The following RAB9B variants were observed in gnomAD, a reference collection of about 807,000 sequenced individuals.
RAB9B encodes the protein ras-related protein Rab-9B.
Under a neutral mutation model 8.9 loss-of-function variants are expected in RAB9B, and 1 was observed. That is an observed-to-expected ratio of 0.11 (90% CI 0.04 to 0.53). RAB9B has a LOEUF of 0.53. Among genes scored for constraint, RAB9B ranks in the 20% least tolerant of loss-of-function variants. The pLI, the probability that RAB9B is intolerant of heterozygous loss-of-function variation, is 0.93. For missense variants in RAB9B, 82 were observed against 152.9 expected, an observed-to-expected ratio of 0.54 and a Z score of 2.45; for synonymous variants, 63 against 57.0, an observed-to-expected ratio of 1.10 and a Z score of -0.47.
downstream of RAB9B, chrX:103,822,224 C>A (rs1569434577): frequency 8.9e-6 from 1 of 112,139 alleles, no homozygotes; most frequent in Non-Finnish European, 1.9e-5. Context: ...CCAGAGGCCA[C>A]ATCCAGTGCA....
At chrX:103,830,612 T>A (rs2074699895) in intron 1 of RAB9B, among the ~76,000 whole-genome samples, 1 of 111,458 alleles carries the variant, frequency 9.0e-6, no homozygotes, top group African/African-American at 3.3e-5. Flanking sequence ...TACTAACTTT[T>A]TTTTTTCCCA....
intron 2 of RAB9B, among the ~76,000 whole-genome samples, chrX:103,826,187 T>G (rs750236729): frequency 1.8e-5 from 2 of 111,836 alleles, no homozygotes; most frequent in Non-Finnish European, 3.8e-5. Flanking sequence ...TTCCAAACAA[T>G]AGACAAATAG....
At chrX:103,798,830 C>T in the RAB9B span, among the ~76,000 whole-genome samples, 47 of 108,082 alleles carry the variant, frequency 4.3e-4, no homozygotes, top group African/African-American at 1.4e-3. Context: ...TTAGTAGAGA[C>T]GGGGTTTCAC....
chrX:103,813,387 A>G, the RAB9B span, among the ~76,000 whole-genome samples: 3 of 110,671 alleles, frequency 2.7e-5, no homozygotes, highest in Non-Finnish European at 5.7e-5. Context: ...TGTTTGTTTT[A>G]AAGAGACCTT....
chrX:103,828,011 T>C (rs1337565247), intron 1 of RAB9B, among the ~76,000 whole-genome samples: 1 of 112,148 alleles, frequency 8.9e-6, no homozygotes, highest in African/African-American at 3.2e-5. Flanking sequence ...GCTGGTGTTA[T>C]TAAATTTAAA....
the RAB9B span, among the ~76,000 whole-genome samples, chrX:103,804,317 G>GTTTA: frequency 9.8e-5 from 11 of 111,996 alleles, no homozygotes; most frequent in African/African-American, 3.2e-4. Flanking sequence ...AAATGTAAGG[G>GTTTA]TTTATTTCTT....
At chrX:103,786,358 C>T in the RAB9B span, 1 of 1,055,386 alleles carries the variant, frequency 9.5e-7, no homozygotes, top group Non-Finnish European at 1.3e-6. Flanking sequence ...AAATCCCTAG[C>T]CTTGTTAAGG....
At chrX:103,782,000 T>C in the RAB9B span, among the ~76,000 whole-genome samples, 4 of 112,215 alleles carry the variant, frequency 3.6e-5, no homozygotes, top group African/African-American at 1.3e-4. Flanking sequence ...TCTTGGACTG[T>C]GAAAAATCAA....
the RAB9B span, chrX:103,787,994 C>G: frequency 0.027 from 30,183 of 1,126,353 alleles, 332 homozygotes; most frequent in Non-Finnish European, 0.031. Flanking sequence ...TGCTTTGGCT[C>G]TCCTACCCAC....
chrX:103,787,750 TCTGCAGG>T, the RAB9B span: 21 of 1,089,477 alleles, frequency 1.9e-5, no homozygotes, highest in Non-Finnish European at 2.4e-5. Context: ...TGTTTCTACA[TCTGCAGG>T]CTGATGCTGA....
At chrX:103,795,697 CA>C in the RAB9B span, among the ~76,000 whole-genome samples, 2 of 110,319 alleles carry the variant, frequency 1.8e-5, no homozygotes, top group African/African-American at 3.3e-5. Context: ...CCACATTATC[CA>C]AAAAAAAGTG....
the RAB9B span, chrX:103,790,856 A>G: frequency 5.1e-6 from 2 of 390,654 alleles, no homozygotes; most frequent in Non-Finnish European, 9.0e-6. Flanking sequence ...TGACTTCCCA[A>G]CTGCAAGTCA....
chrX:103,806,794 T>C, the RAB9B span, among the ~76,000 whole-genome samples: 2 of 111,377 alleles, frequency 1.8e-5, no homozygotes, highest in Non-Finnish European at 3.8e-5. Flanking sequence ...GGTGCATATA[T>C]GGGATAGATT....
At chrX:103,808,659 G>A in the RAB9B span, among the ~76,000 whole-genome samples, 1 of 112,861 alleles carries the variant, frequency 8.9e-6, no homozygotes, top group Non-Finnish European at 1.9e-5. Context: ...TCATGATTCT[G>A]TACACAGCAG....
chrX:103,800,333 G>A, the RAB9B span, among the ~76,000 whole-genome samples: 4 of 109,543 alleles, frequency 3.7e-5, no homozygotes, highest in Non-Finnish European at 7.6e-5. Flanking sequence ...TGGGGGTGGG[G>A]GGCAGAACAC....
the RAB9B span, among the ~76,000 whole-genome samples, chrX:103,803,437 T>C: frequency 8.9e-6 from 1 of 112,611 alleles, no homozygotes; most frequent in Admixed American, 9.4e-5. Flanking sequence ...TGTTTTGCAT[T>C]TCCCTGATGA....
the RAB9B span, among the ~76,000 whole-genome samples, chrX:103,803,750 G>A: frequency 8.9e-6 from 1 of 111,820 alleles, no homozygotes; most frequent in Non-Finnish European, 1.9e-5. Flanking sequence ...GCTAATTTTT[G>A]TATTTTTAGT....
At chrX:103,796,227 C>A in the RAB9B span, among the ~76,000 whole-genome samples, 1 of 112,323 alleles carries the variant, frequency 8.9e-6, no homozygotes, top group Non-Finnish European at 1.9e-5. Flanking sequence ...GTAATCCCAG[C>A]ACTTTGGGAG....
downstream of RAB9B, among the ~76,000 whole-genome samples, chrX:103,820,170 T>C (rs1237804747): frequency 8.9e-6 from 1 of 112,597 alleles, no homozygotes; most frequent in Non-Finnish European, 1.9e-5. Flanking sequence ...AATGAAATTC[T>C]GTAGTTTATA....
Sources: allele counts gnomAD v4.1 joint callset (sites outside exome capture counted in the v4.1 genomes callset), GRCh38; gene constraint gnomAD v4.1.1; transcripts MANE v1.5; gene names NCBI Gene and HGNC (gene_info 2026-07-23, HGNC 2026-07-21).